The following GRID1 variants were observed in gnomAD, a reference collection of about 807,000 sequenced individuals.
The protein encoded by GRID1 is glutamate receptor ionotropic, delta-1.
A neutral mutation model predicts 98.0 loss-of-function variants in GRID1; 28 were observed. The observed-to-expected ratio is 0.29, with a 90% CI of 0.21 to 0.39. The LOEUF (loss-of-function observed/expected upper bound fraction) is 0.39, where lower values mean the gene tolerates loss of function less well. GRID1 is among the 10% of genes least tolerant of loss of function. The probability of loss-of-function intolerance (pLI) is 1.00; values close to 1 mark genes in which losing one functional copy is unlikely to be tolerated. For synonymous variants in GRID1, 553 were observed against 538.5 expected (o/e 1.03, Z -0.37); for missense variants, 1,111 against 1,340.5 (o/e 0.83, Z 2.67).
chr10:85,824,692 C>G (rs1049988011), intron 8 of GRID1, among the ~76,000 whole-genome samples: 2 of 152,080 alleles, frequency 1.3e-5, no homozygotes, highest in Admixed American at 6.6e-5. Context: ...CTCACCACCC[C>G]CCCACCACCA....
chr10:86,349,132 C>T (rs1477559384), intron 2 of GRID1, among the ~76,000 whole-genome samples: 1 of 152,230 alleles, frequency 6.6e-6, no homozygotes, highest in East Asian at 1.9e-4. Context: ...CTGTCAGGCT[C>T]ACTGCCCTAG....
rs113026059 is a variant in GRID1 at position 85,785,394 on chromosome 10, A to C, written c.1234-55780T>G. Among the ~76,000 whole-genome samples the C allele has an allele frequency of 3.3e-3, 498 of 152,306 alleles. 3 individuals carry two copies. Among genetic ancestry groups the C allele is most frequent in the African/African-American group, 0.011 (447 of 41,562 alleles). On this transcript the variant is annotated intron_variant, in intron 8 of 15. Transcript: ENST00000327946. The stretch of plus-strand genomic sequence containing the variant: ...GAAACAGACCCACAGCAGGAAGCAA[A>C]ATAATCATAAGATGAATTCCACGGA...
At chr10:85,737,635 A>AAAC (rs1208409487) in intron 8 of GRID1, among the ~76,000 whole-genome samples, 1 of 105,670 alleles carries the variant, frequency 9.5e-6, no homozygotes, top group Non-Finnish European at 2.0e-5. Flanking sequence ...CAACAACAAC[A>AAAC]GTAAAGCCAG....
chr10:86,338,872 C>T (rs1211547938), intron 2 of GRID1, among the ~76,000 whole-genome samples: 1 of 152,050 alleles, frequency 6.6e-6, no homozygotes, highest in Non-Finnish European at 1.5e-5. Context: ...TTTTAATTCA[C>T]ACAAATACCC....
rs529990626 is a variant in GRID1 at position 86,199,898 on chromosome 10, C to T, written c.520+6466G>A. On this transcript the variant is annotated intron_variant, in intron 3 of 15. Transcript: ENST00000327946. ...GCTTTGCCTTTGTCTGTCTTCAAAT[C>T]TCTGGATGGGGTATAAAGAACAGGA... Among the ~76,000 whole-genome samples, 143 of 152,160 alleles carry T rather than the reference C, an allele frequency of 9.4e-4. 1 individual carries two copies. The highest frequency in any genetic ancestry group is 1.2e-3 in the Non-Finnish European group (83 of 67,936).
chr10:85,732,817 C>T (rs1841840459), intron 8 of GRID1, among the ~76,000 whole-genome samples: 1 of 152,110 alleles, frequency 6.6e-6, no homozygotes, highest in Admixed American at 6.6e-5. Flanking sequence ...AAAAGCCTTC[C>T]TCATCCAGAG....
chr10:85,980,600 C>T (rs1842532796), intron 4 of GRID1, among the ~76,000 whole-genome samples: 1 of 152,216 alleles, frequency 6.6e-6, no homozygotes, highest in African/African-American at 2.4e-5. Flanking sequence ...AACCTCCCTG[C>T]TCCTTCTTCC....
chr10:86,294,331 G>A (rs61856581), intron 2 of GRID1, among the ~76,000 whole-genome samples: 3,276 of 152,340 alleles, frequency 0.022, 44 homozygotes, highest in Middle Eastern at 0.054. Flanking sequence ...TTCCTCTAGC[G>A]AGATGGGAGC....
intron 8 of GRID1, among the ~76,000 whole-genome samples, chr10:85,772,861 C>A (rs1378991420): frequency 6.6e-6 from 1 of 152,076 alleles, no homozygotes; most frequent in Non-Finnish European, 1.5e-5. Context: ...AGTCCAGGAC[C>A]AGAAGGATTC....
intron 2 of GRID1, among the ~76,000 whole-genome samples, chr10:86,344,416 CAG>C (rs1426526705): frequency 6.6e-6 from 1 of 152,192 alleles, no homozygotes; most frequent in Non-Finnish European, 1.5e-5. Context: ...AAAGATGATT[CAG>C]AGACTTCGCC....
At chr10:86,154,029 C>A (rs1162885162) in intron 3 of GRID1, among the ~76,000 whole-genome samples, 2 of 152,204 alleles carry the variant, frequency 1.3e-5, no homozygotes, top group Non-Finnish European at 2.9e-5. Context: ...CCATCACAGG[C>A]CGCCGGAAGG....
chr10:86,346,785 T>A (rs1201016874), intron 2 of GRID1, among the ~76,000 whole-genome samples: 4 of 152,164 alleles, frequency 2.6e-5, no homozygotes, highest in Non-Finnish European at 5.9e-5. Context: ...CTCCTCCTTG[T>A]CCCTTGGAAC....
chr10:86,036,930 TA>T (rs1489199221), intron 4 of GRID1, among the ~76,000 whole-genome samples: 1 of 152,232 alleles, frequency 6.6e-6, no homozygotes, highest in African/African-American at 2.4e-5. Flanking sequence ...CAAAGCATTT[TA>T]TAATTAGCCA....
At chr10:85,829,299 T>C (rs1177905957) in intron 8 of GRID1, among the ~76,000 whole-genome samples, 1 of 151,702 alleles carries the variant, frequency 6.6e-6, no homozygotes, top group African/African-American at 2.4e-5. Flanking sequence ...TAAAATAACA[T>C]ACCTCAAAAA....
At chr10:86,321,083 G>C (rs188765323) in intron 2 of GRID1, among the ~76,000 whole-genome samples, 1 of 141,738 alleles carries the variant, frequency 7.1e-6, no homozygotes, top group Admixed American at 7.4e-5. Flanking sequence ...CTGGGCGACA[G>C]AGTGAGACTC....
intron 15 of GRID1, among the ~76,000 whole-genome samples, chr10:85,604,442 G>C (rs1241977992): frequency 2.0e-5 from 3 of 152,154 alleles, no homozygotes; most frequent in Non-Finnish European, 2.9e-5. Flanking sequence ...CATTGGCACA[G>C]CCTCACAGGC....
At chr10:85,905,363 C>T (rs151034812) in intron 5 of GRID1, among the ~76,000 whole-genome samples, 68 of 151,796 alleles carry the variant, frequency 4.5e-4, no homozygotes, top group African/African-American at 1.5e-3. Context: ...CAGAACTGTA[C>T]TATAAGAAAT....
intron 4 of GRID1, among the ~76,000 whole-genome samples, chr10:86,069,643 G>A (rs957698438): frequency 2.0e-5 from 3 of 152,104 alleles, no homozygotes; most frequent in Non-Finnish European, 4.4e-5. Flanking sequence ...GTGAGACTCC[G>A]TCTCTAAATA....
At chr10:86,322,645 A>T (rs1847986808) in intron 2 of GRID1, among the ~76,000 whole-genome samples, 1 of 151,886 alleles carries the variant, frequency 6.6e-6, no homozygotes, top group Admixed American at 6.6e-5. Flanking sequence ...TCCTGACCTC[A>T]GGTGATCCAC....
Sources: allele counts gnomAD v4.1 joint callset (sites outside exome capture counted in the v4.1 genomes callset), GRCh38; gene constraint gnomAD v4.1.1; transcripts MANE v1.5; gene names NCBI Gene and HGNC (gene_info 2026-07-23, HGNC 2026-07-21).